The following LMNB1 variants were observed in gnomAD, a reference collection of about 807,000 sequenced individuals.
LMNB1 encodes the protein lamin B1.
A neutral mutation model predicts 67.1 loss-of-function variants in LMNB1; 23 were observed. The ratio of observed to expected loss-of-function variants is 0.34; its 90% CI spans 0.25 to 0.49. The LOEUF (loss-of-function observed/expected upper bound fraction) is 0.49, where lower values mean the gene tolerates loss of function less well. Ranked by LOEUF, LMNB1 falls within the 20% of genes least tolerant of loss-of-function variation. The pLI is 0.99. For missense variants in LMNB1, 634 were observed against 746.5 expected, an observed-to-expected ratio of 0.85 and a Z score of 1.76; for synonymous variants, 281 against 282.9, an observed-to-expected ratio of 0.99 and a Z score of 0.07.
intron 1 of LMNB1, among the ~76,000 whole-genome samples, chr5:126,780,367 T>C (rs1455663530): frequency 6.6e-6 from 1 of 152,208 alleles, no homozygotes. Flanking sequence ...GTGAAGCATT[T>C]TGATGCTGGC....
chr5:126,819,927 A>G (rs1021950520), intron 6 of LMNB1, among the ~76,000 whole-genome samples: 2 of 152,068 alleles, frequency 1.3e-5, no homozygotes, highest in Admixed American at 6.6e-5. Context: ...GGCGGATCAC[A>G]TGAGGTCAGG....
intron 5 of LMNB1, 93 bp from the exon 6 acceptor site, chr5:126,818,829 C>T: frequency 2.3e-6 from 2 of 887,656 alleles, no homozygotes; most frequent in Admixed American, 2.0e-5. Context: ...TAGGGTTGTA[C>T]TGTTTTCCAG....
At chr5:126,778,218 A>C (rs768494553) in intron 1 of LMNB1, among the ~76,000 whole-genome samples, 1 of 151,722 alleles carries the variant, frequency 6.6e-6, no homozygotes, top group Non-Finnish European at 1.5e-5. Flanking sequence ...CTCAGGCCCC[A>C]GGTGCGGGGA....
chr5:126,824,163 G>A (rs984390337), intron 8 of LMNB1, among the ~76,000 whole-genome samples: 24 of 152,322 alleles, frequency 1.6e-4, no homozygotes, highest in African/African-American at 5.5e-4. Context: ...GAACATGGTA[G>A]TAATAAGTGA....
intron 1 of LMNB1, among the ~76,000 whole-genome samples, chr5:126,792,142 CT>C (rs5871231): frequency 0.34 from 42,236 of 122,780 alleles, 5,451 homozygotes; most frequent in Middle Eastern, 0.43. Flanking sequence ...GATTTGGTTC[CT>C]TTTTTTTTTT....
chr5:126,790,618 C>T (rs932710454), intron 1 of LMNB1, among the ~76,000 whole-genome samples: 5 of 151,856 alleles, frequency 3.3e-5, no homozygotes, highest in Admixed American at 3.3e-4. Flanking sequence ...GTTGTTAGAA[C>T]ATCAAATCAT....
In LMNB1 at chr5:126,805,658, A is replaced by G; in HGVS notation, c.604A>G (p.Thr202Ala). The G allele has an allele frequency of 6.2e-7, 1 of 1,612,806 alleles. No individual in the cohort carries two copies. Among genetic ancestry groups the G allele is most frequent in the South Asian group, 1.1e-5 (1 of 90,890 alleles). The change falls in exon 3 of 11, where the codon ACT becomes GCT. Residue 202 changes from threonine to alanine, a missense_variant. Thr to Ala is a moderately conservative substitution (Grantham distance 58, BLOSUM62 0). Coordinates refer to ENST00000261366, the MANE Select transcript of LMNB1 (RefSeq NM_005573.4). ...TTTGGAGAATCGTTGTCAGAGCCTT[A>G]CTGAGGACTTGGAGTTTCGCAAAAG... Reference protein sequence around the residue: ...VDLENRCQSLTEDLEFRKSMY... With the variant: ...VDLENRCQSLAEDLEFRKSMY...
chr5:126,824,986 C>A (rs190502131), intron 8 of LMNB1, among the ~76,000 whole-genome samples: 1 of 152,104 alleles, frequency 6.6e-6, no homozygotes, highest in Non-Finnish European at 1.5e-5. Flanking sequence ...CTACACCTGG[C>A]CCCCATTTTG....
chr5:126,777,460 T>A lies in LMNB1; in HGVS notation c.-49T>A, dbSNP rs1750488268. 1.5e-6 allele frequency: 2 copies of A among 1,293,062 alleles called. No homozygotes were observed. Among genetic ancestry groups the A allele is most frequent in the South Asian group, 5.3e-5 (2 of 37,852 alleles). The allele number at this position is 1,293,062 out of a possible 1,614,324, so 80.1% of individuals were successfully genotyped here. A position where few individuals can be genotyped will look rare whatever the true frequency, so the allele number is the denominator to read the frequency against. ...TTCGCCCCCTGCCGTCCCCTCCTTA[T>A]CACGGTCCCGCTCGCGGCCTCGCCG... On this transcript the variant is annotated 5_prime_UTR_variant, in exon 1 of 11. Coordinates refer to ENST00000261366, the MANE Select transcript of LMNB1 (RefSeq NM_005573.4).
chr5:126,785,424 T>C (rs1191589956), intron 1 of LMNB1, among the ~76,000 whole-genome samples: 1 of 151,770 alleles, frequency 6.6e-6, no homozygotes, highest in East Asian at 1.9e-4. Context: ...CCTGATTAGC[T>C]GGGACTACAG....
At chr5:126,823,022 G>A in intron 8 of LMNB1, 137 bp downstream of exon 8, 1 of 632,794 alleles carries the variant, frequency 1.6e-6, no homozygotes. Context: ...GGCATTACAA[G>A]TGCTATAAAA....
In LMNB1 at chr5:126,823,741, CAG is replaced by C. The variant is rs1751925300; in HGVS notation, c.1491+861_1491+862del. ...AGACTTCTCTTTAAAAAGGTGTATT[CAG>C]AGAGCATGATGCCACTTTGTGAAAA... On this transcript the variant is annotated intron_variant, in intron 8 of 10. Coordinates refer to ENST00000261366, the MANE Select transcript of LMNB1 (RefSeq NM_005573.4). 5.3e-5 allele frequency among the ~76,000 whole-genome samples: 8 copies of C among 152,270 alleles called. No homozygotes were observed. In the South Asian group the frequency reaches 1.7e-3, roughly 32 times the overall value.
At chr5:126,806,228 CA>C (rs1318851532) in intron 3 of LMNB1, among the ~76,000 whole-genome samples, 2 of 152,236 alleles carry the variant, frequency 1.3e-5, no homozygotes, top group African/African-American at 2.4e-5. Flanking sequence ...GCTGGGATTA[CA>C]GGTGTGAGCC....
intron 1 of LMNB1, among the ~76,000 whole-genome samples, chr5:126,801,499 A>ATG (rs1751286073): frequency 6.6e-6 from 1 of 151,980 alleles, no homozygotes. Flanking sequence ...AGTCATCTGG[A>ATG]TGTACTGCCT....
chr5:126,827,162 G>C (rs1752016517), intron 9 of LMNB1, among the ~76,000 whole-genome samples: 1 of 152,140 alleles, frequency 6.6e-6, no homozygotes, highest in Admixed American at 6.5e-5. Flanking sequence ...ACCTGGTAGG[G>C]AAGCTAACCA....
intron 1 of LMNB1, among the ~76,000 whole-genome samples, chr5:126,779,222 A>G (rs1327616381): frequency 5.3e-5 from 8 of 152,246 alleles, no homozygotes; most frequent in Admixed American, 5.2e-4. Flanking sequence ...TGCACGTGGT[A>G]AGAATAAAAT....
chr5:126,791,770 T>C (rs1016022938), intron 1 of LMNB1, among the ~76,000 whole-genome samples: 22 of 151,546 alleles, frequency 1.5e-4, no homozygotes, highest in African/African-American at 5.1e-4. Flanking sequence ...CCTAGCCTTT[T>C]TTATTCCCTT....
At chr5:126,801,169 G>C (rs927125029) in intron 1 of LMNB1, among the ~76,000 whole-genome samples, 3 of 150,054 alleles carry the variant, frequency 2.0e-5, no homozygotes, top group African/African-American at 7.4e-5. Flanking sequence ...ATTTTTAGTA[G>C]AGATGGGGTC....
chr5:126,804,694 T>G, intron 1 of LMNB1, 82 bp from the exon 2 acceptor site: 1 of 1,279,082 alleles, frequency 7.8e-7, no homozygotes. Flanking sequence ...CTACTTCTTT[T>G]GTTTGTCCCT....
Sources: gnomAD v4.1 joint callset for allele counts (sites outside exome capture counted in the v4.1 genomes callset) on GRCh38, gnomAD v4.1.1 for gene constraint, MANE v1.5 for transcripts, NCBI Gene and HGNC (gene_info 2026-07-23, HGNC 2026-07-21) for gene names.